The following FKBP5 variants were observed in gnomAD, a reference collection of about 807,000 sequenced individuals.
FKBP5 encodes peptidyl-prolyl cis-trans isomerase FKBP5.
FKBP5 carries 23 observed loss-of-function variants against 50.5 expected under a neutral mutation model. The observed-to-expected ratio is 0.46, with a 90% CI of 0.33 to 0.65. The LOEUF (loss-of-function observed/expected upper bound fraction) is 0.65, where lower values mean the gene tolerates loss of function less well. Ranked by LOEUF, FKBP5 falls within the 30% of genes least tolerant of loss-of-function variation. The pLI is 0.02. For missense variants in FKBP5, 411 were observed against 553.1 expected, an observed-to-expected ratio of 0.74 and a Z score of 2.58; for synonymous variants, 176 against 190.6, an observed-to-expected ratio of 0.92 and a Z score of 0.63.
intron 8 of FKBP5, chr6:35,586,531 C>T (rs534489465): frequency 1.0e-6 from 1 of 986,724 alleles, no homozygotes; most frequent in South Asian, 4.5e-5. Flanking sequence ...CTTTGGGAAG[C>T]TGAGGTGGGA....
intron 3 of FKBP5, among the ~76,000 whole-genome samples, chr6:35,627,249 T>C (rs1764027931): frequency 6.6e-6 from 1 of 152,230 alleles, no homozygotes; most frequent in African/African-American, 2.4e-5. Flanking sequence ...GAACATCTTT[T>C]CATATGCTTG....
At chr6:35,613,050 C>T (rs931439665) in intron 5 of FKBP5, among the ~76,000 whole-genome samples, 1 of 152,182 alleles carries the variant, frequency 6.6e-6, no homozygotes, top group Non-Finnish European at 1.5e-5. Flanking sequence ...CCATCACTTA[C>T]AAAGTCTATC....
chr6:35,621,081 A>G (rs1442100864), intron 3 of FKBP5, among the ~76,000 whole-genome samples: 1 of 152,240 alleles, frequency 6.6e-6, no homozygotes, highest in Non-Finnish European at 1.5e-5. Context: ...TTAGAATCAG[A>G]AAAATGTTCC....
intron 9 of FKBP5, among the ~76,000 whole-genome samples, chr6:35,579,526 T>C (rs1762355059): frequency 6.6e-6 from 1 of 152,128 alleles, no homozygotes; most frequent in Admixed American, 6.5e-5. Context: ...AGACCAAAGA[T>C]AGTATTAATA....
At position 35,642,783 on chromosome 6, in the gene FKBP5, G is replaced by T. The variant is rs1374471792; in HGVS notation, c.42C>A (p.Pro14=). The T allele has an allele frequency of 3.7e-6, 6 of 1,613,794 alleles. No individual in the cohort carries two copies. Among genetic ancestry groups the T allele is most frequent in the East Asian group, 2.2e-5 (1 of 44,874 alleles). The change falls in exon 2 of 11, where the codon CCC becomes CCA. Residue 14 remains proline (P), a synonymous_variant. Transcript: ENST00000357266. ...CTCCCTGCTCAGCAACAGTGGCTGTGGGGCTTTCTTCATTGTTCTTGGCAC... is the reference window on the plus strand; with the variant it reads ...CTCCCTGCTCAGCAACAGTGGCTGTTGGGCTTTCTTCATTGTTCTTGGCAC... ...DEGAKNNEES[P]TATVAEQGED... is the part of the protein sequence containing the mutation.
At chr6:35,655,250 A>G (rs1279571669) in intron 1 of FKBP5, among the ~76,000 whole-genome samples, 5 of 152,208 alleles carry the variant, frequency 3.3e-5, no homozygotes, top group Admixed American at 2.0e-4. Flanking sequence ...ACAACTATCT[A>G]CTGAATACCT....
At chr6:35,708,610 T>C (rs541786712) in intron 2 of FKBP5, among the ~76,000 whole-genome samples, 111 of 152,254 alleles carry the variant, frequency 7.3e-4, no homozygotes, top group African/African-American at 2.5e-3. Flanking sequence ...CTATGTATAC[T>C]TGTAACAGAG....
At position 35,662,836 on chromosome 6, in the gene FKBP5, A is replaced by G. The variant is rs374308452; in HGVS notation, c.-19-19993T>C. Among the ~76,000 whole-genome samples, 4 of 152,324 alleles carry G rather than the reference A, an allele frequency of 2.6e-5. No homozygotes were observed. In the East Asian group the frequency reaches 7.7e-4, roughly 29 times the overall value. ...TACACACCATGAATACCTACTGAAT[A>G]TGAAATGTCTGTAAGACCCTGTTCT... is the stretch of plus-strand genomic sequence containing the variant. On this transcript the variant is annotated intron_variant, in intron 1 of 10. Transcript: ENST00000357266.
At position 35,709,450 on chromosome 6, in the gene FKBP5, A is replaced by G. The variant is rs529904720; in HGVS notation, c.-20+10878T>C. ...GAAAAAAGTGCAGAAAGATATAACT[A>G]TGTTCGCATATGGGCAACATTTTCC... On this transcript the variant is annotated intron_variant, in intron 2 of 11. Transcript: ENST00000536438. Among the ~76,000 whole-genome samples the G allele has an allele frequency of 5.1e-4, 78 of 152,346 alleles. No individual in the cohort carries two copies. In the South Asian group the frequency reaches 0.015, roughly 29 times the overall value.
intron 1 of FKBP5, among the ~76,000 whole-genome samples, chr6:35,685,818 C>A (rs138926009): frequency 0.042 from 6,455 of 151,992 alleles, 171 homozygotes; most frequent in African/African-American, 0.079. Context: ...CCCGTCTCTA[C>A]TAAAAATACA....
intron 2 of FKBP5, among the ~76,000 whole-genome samples, chr6:35,714,377 A>G (rs112981380): frequency 7.5e-6 from 1 of 132,748 alleles, no homozygotes; most frequent in Non-Finnish European, 1.6e-5. Flanking sequence ...GCTTGAACCC[A>G]GGAGGCAGTG....
intron 5 of FKBP5, among the ~76,000 whole-genome samples, chr6:35,611,956 G>A (rs951860256): frequency 3.9e-5 from 6 of 152,110 alleles, no homozygotes; most frequent in Non-Finnish European, 7.3e-5. Flanking sequence ...CCGGAACCTT[G>A]AGAAATGTGA....
intron 3 of FKBP5, among the ~76,000 whole-genome samples, chr6:35,634,728 A>G (rs1486566688): frequency 1.3e-5 from 2 of 152,058 alleles, no homozygotes; most frequent in African/African-American, 4.8e-5. Flanking sequence ...TTTTTTCCCT[A>G]ATCTAGGAAC....
rs1430174469 is a variant in FKBP5 at position 35,660,939 on chromosome 6, G to A, written c.-19-18096C>T. Among the ~76,000 whole-genome samples the A allele has an allele frequency of 3.6e-5, 3 of 83,142 alleles. 1 individual carries two copies. Among genetic ancestry groups the A allele is most frequent in the East Asian group, 3.9e-4 (1 of 2,592 alleles). The allele number at this position is 83,142 out of a possible 152,430, so 54.5% of individuals were successfully genotyped here. ...ATACATTATATGATCCCATTTATAC[G>A]AAAGGTTCAGAATAGGCAAATTCAT... On this transcript the variant is annotated intron_variant, in intron 1 of 10. Transcript: ENST00000357266.
At chr6:35,580,285 C>T in intron 8 of FKBP5, 64 bp from the exon 9 acceptor site, 2 of 1,369,120 alleles carry the variant, frequency 1.5e-6, no homozygotes, top group African/African-American at 1.4e-5. Context: ...AAAAGCAAAT[C>T]CTCAAAGTGA....
At chr6:35,688,523 C>T (rs1466520945) in intron 1 of FKBP5, among the ~76,000 whole-genome samples, 2 of 151,536 alleles carry the variant, frequency 1.3e-5, no homozygotes, top group Non-Finnish European at 1.5e-5. Context: ...CGGAGAGCGG[C>T]GCCCGCGGTC....
chr6:35,687,942 T>C (rs761716813), intron 1 of FKBP5, among the ~76,000 whole-genome samples: 1 of 152,210 alleles, frequency 6.6e-6, no homozygotes, highest in Non-Finnish European at 1.5e-5. Context: ...TTTTTGGTAA[T>C]ACTGGTTTTT....
chr6:35,581,782 G>A (rs930677578), intron 8 of FKBP5: 1 of 985,362 alleles, frequency 1.0e-6, no homozygotes, highest in Non-Finnish European at 1.2e-6. Flanking sequence ...CCTGCCAGAT[G>A]GCAGAGGAGC....
rs1050063061 is a variant in FKBP5 at position 35,619,224 on chromosome 6, A to G, written c.394-14T>C. ...AAGGAGCTCAATCTAGAAAGAAAAAAGGAATTCAGCTGAGAAAAGACCAAA... is the reference window on the plus strand; with the variant it reads ...AAGGAGCTCAATCTAGAAAGAAAAAGGGAATTCAGCTGAGAAAAGACCAAA... On this transcript the variant is annotated splice_polypyrimidine_tract_variant and intron_variant, in intron 4 of 10. Coordinates refer to ENST00000357266, the MANE Select transcript of FKBP5 (RefSeq NM_004117.4). 21 of 1,578,174 alleles carry G rather than the reference A, an allele frequency of 1.3e-5. No individual in the cohort carries two copies. The highest frequency in any genetic ancestry group is 1.7e-5 in the Non-Finnish European group (19 of 1,148,454).
Sources: allele counts gnomAD v4.1 joint callset (sites outside exome capture counted in the v4.1 genomes callset), GRCh38; gene constraint gnomAD v4.1.1; transcripts MANE v1.5; gene names NCBI Gene and HGNC (gene_info 2026-07-23, HGNC 2026-07-21).